The following SMARCC2 variants were observed in gnomAD, a reference collection of about 807,000 sequenced individuals.
SMARCC2 encodes SWI/SNF complex subunit SMARCC2.
In SMARCC2, 15 loss-of-function variants were observed where a neutral mutation model predicts 151.3. The observed-to-expected ratio is 0.10, with a 90% confidence interval of 0.07 to 0.15. The LOEUF (loss-of-function observed/expected upper bound fraction) is 0.15, where lower values mean the gene tolerates loss of function less well. Among genes scored for constraint, SMARCC2 ranks in the 10% least tolerant of loss-of-function variants. The probability of loss-of-function intolerance (pLI) is 1.00; values close to 1 mark genes in which losing one functional copy is unlikely to be tolerated. For missense variants in SMARCC2, 1,031 were observed against 1,599.7 expected (o/e 0.64, Z 6.06); for synonymous variants, 590 against 609.5 (o/e 0.97, Z 0.47).
At chr12:56,170,960 C>T (rs760656337) in intron 22 of SMARCC2, among the ~76,000 whole-genome samples, 10 of 150,974 alleles carry the variant, frequency 6.6e-5, no homozygotes, top group Admixed American at 1.3e-4. Flanking sequence ...CTTGAACTCC[C>T]GACCTCGTGA....
rs987585114 is a variant in SMARCC2 at position 56,186,387 on chromosome 12, G to A, written c.232-147C>T. On this transcript the variant is annotated intron_variant, in intron 2 of 28. Transcript: ENST00000550164. Reference sequence around the variant, plus strand: ...TTTTTTGAGATGGAGTTTCACTCTTGTTGCCCAGGCTGGAGTGCAATGGCG... The same window carrying A: ...TTTTTTGAGATGGAGTTTCACTCTTATTGCCCAGGCTGGAGTGCAATGGCG... The A allele has an allele frequency of 5.2e-6, 3 of 581,870 alleles. No individual in the cohort carries two copies. In the African/African-American group the frequency reaches 7.4e-5, roughly 14 times the overall value. The allele number at this position is 581,870 out of a possible 1,614,324, so 36.0% of individuals were successfully genotyped here.
intron 26 of SMARCC2, among the ~76,000 whole-genome samples, chr12:56,167,150 G>A (rs538211091): frequency 3.3e-5 from 5 of 150,330 alleles, no homozygotes; most frequent in South Asian, 4.2e-4. Context: ...TCGGGAGTTC[G>A]AGACCAGCCT....
In SMARCC2 at chr12:56,171,719, G is replaced by A; in HGVS notation, c.2145C>T (p.Val715=). 6.3e-7 allele frequency: 1 copy of A among 1,583,272 alleles called. No individual in the cohort carries two copies. Among genetic ancestry groups the A allele is most frequent in the Non-Finnish European group, 8.6e-7 (1 of 1,163,514 alleles). The change falls in exon 21 of 29, where the codon GTC becomes GTT. Residue 715 remains valine (V), a synonymous_variant. Coordinates refer to ENST00000550164, the MANE Select transcript of SMARCC2 (RefSeq NM_001330288.2). The surrounding 1 kb of genome is among the most constrained non-coding windows in gnomAD (Gnocchi z 4.2). Reference sequence around the variant, plus strand: ...CAGCAGCAGAGGCGACTCGGGGATCGACGACAGAGGCCAGGAAGGCAACAG... The same window carrying A: ...CAGCAGCAGAGGCGACTCGGGGATCAACGACAGAGGCCAGGAAGGCAACAG... ...MSTVAFLASV[V]DPRVASAAAK... is the part of the protein sequence containing the mutation.
chr12:56,186,959 C>T (rs1456558263), intron 2 of SMARCC2: 4 of 427,484 alleles, frequency 9.4e-6, no homozygotes, highest in Non-Finnish European at 1.7e-5. Context: ...TGGACTGATC[C>T]CAGGTACTCT....
chr12:56,170,724 C>CT (rs36061638), intron 22 of SMARCC2, among the ~76,000 whole-genome samples: 1,766 of 90,840 alleles, frequency 0.019, 61 homozygotes, highest in African/African-American at 0.046. Context: ...CTTCACAAGA[C>CT]TTTTTTTTTT....
At chr12:56,180,923 G>T (rs560714605) in intron 11 of SMARCC2, 54 bp downstream of exon 11, 8 of 1,564,524 alleles carry the variant, frequency 5.1e-6, no homozygotes, top group African/African-American at 2.7e-5. Flanking sequence ...TTTGGCAAAG[G>T]AGAGTCAAGA....
At position 56,162,383 on chromosome 12, in the gene SMARCC2, T is replaced by TAAAAAAAAA; in HGVS notation, c.*1297_*1305dup. The stretch of plus-strand genomic sequence containing the variant: ...ATGGAACTGAAAGCAAATTAATTTA[T>TAAAAAAAAA]AAAAAAAAAAAAAAGAAAGAAAGAA... On this transcript the variant is annotated 3_prime_UTR_variant, in exon 29 of 29. Coordinates refer to ENST00000550164, the MANE Select transcript of SMARCC2 (RefSeq NM_001330288.2). 1 of 459,384 alleles carries TAAAAAAAAA rather than the reference T, an allele frequency of 2.2e-6. No homozygotes were observed. Among genetic ancestry groups the TAAAAAAAAA allele is most frequent in the Non-Finnish European group, 3.8e-6 (1 of 263,778 alleles). The allele number at this position is 459,384 out of a possible 1,614,324, so 28.5% of individuals were successfully genotyped here. A position where few individuals can be genotyped will look rare whatever the true frequency, so the allele number is the denominator to read the frequency against.
rs562782444 is a variant in SMARCC2 at position 56,186,083 on chromosome 12, A to G, written c.317+72T>C. 95 of 1,085,668 alleles carry G rather than the reference A, an allele frequency of 8.8e-5. No individual in the cohort carries two copies. The South Asian group carries it at 1.2e-3, about 14-fold the overall frequency. 67.3% of individuals were successfully genotyped at this position (1,085,668 alleles called of 1,614,324 possible). Reference sequence around the variant, plus strand: ...GACTCACAAGAATTTCTACCCCAGAAAGATCCCAGGGAATCAAAAAGGGGG... The same window carrying G: ...GACTCACAAGAATTTCTACCCCAGAGAGATCCCAGGGAATCAAAAAGGGGG... On this transcript the variant is annotated intron_variant, in intron 3 of 28. Transcript: ENST00000550164.
At chr12:56,178,256 C>A in intron 14 of SMARCC2, 148 bp downstream of exon 14, 1 of 986,258 alleles carries the variant, frequency 1.0e-6, no homozygotes, top group Non-Finnish European at 1.6e-6. Context: ...CAAAAGGACA[C>A]AAGGAGCTCC....
chr12:56,184,475 T>G (rs904595773), intron 5 of SMARCC2: 13 of 567,464 alleles, frequency 2.3e-5, no homozygotes, highest in Non-Finnish European at 4.1e-5. Flanking sequence ...GAACAGATAA[T>G]CTATACATGG....
chr12:56,166,747 G>A (rs902096564), intron 26 of SMARCC2, among the ~76,000 whole-genome samples: 2 of 151,778 alleles, frequency 1.3e-5, no homozygotes, highest in African/African-American at 2.4e-5. Context: ...GCACCACCAC[G>A]CCCGGCTAAT....
At chr12:56,181,980 A>T in intron 8 of SMARCC2, 24 bp downstream of exon 8, 1 of 1,598,228 alleles carries the variant, frequency 6.3e-7, no homozygotes, top group East Asian at 2.2e-5. Context: ...TTTTTGGGGA[A>T]GAGGGGATAC....
chr12:56,186,681 T>C, intron 2 of SMARCC2: 1 of 194,788 alleles, frequency 5.1e-6, no homozygotes, highest in South Asian at 8.5e-5. Context: ...CCTTGTGCCA[T>C]TGCATCATGT....
Position 56,178,352 on chromosome 12 carries a change from C to A in SMARCC2, c.1310+52G>T, listed in dbSNP as rs2135717553. The A allele has an allele frequency of 3.1e-6, 5 of 1,592,438 alleles. No homozygotes were observed. In the East Asian group the frequency reaches 8.9e-5, roughly 28 times the overall value. On this transcript the variant is annotated intron_variant, in intron 14 of 28. Coordinates refer to ENST00000550164, the MANE Select transcript of SMARCC2 (RefSeq NM_001330288.2). ...GGCAGGGAGAAGAACAGCCTGTTGACCCCTGGAGGCAGGGAAATAAGGACT... is the reference window on the plus strand; with the variant it reads ...GGCAGGGAGAAGAACAGCCTGTTGAACCCTGGAGGCAGGGAAATAAGGACT...
intron 13 of SMARCC2, 104 bp from the exon 14 acceptor site, chr12:56,178,638 G>A (rs1875499786): frequency 6.5e-7 from 1 of 1,545,948 alleles, no homozygotes; most frequent in Non-Finnish European, 8.9e-7. Context: ...GATGGGTGAT[G>A]GGACTGAGCA....
Position 56,162,452 on chromosome 12 carries a change from C to CA in SMARCC2, c.*1236_*1237insT, listed in dbSNP as rs1872002048. 1 of 602,292 alleles carries CA rather than the reference C, an allele frequency of 1.7e-6. No homozygotes were observed. The highest frequency in any genetic ancestry group is 3.0e-5 in the Admixed American group (1 of 32,882). 37.3% of individuals were successfully genotyped at this position (602,292 alleles called of 1,614,324 possible). The stretch of plus-strand genomic sequence containing the variant: ...GAAAACTTTGAACAGAAGAAAGGTG[C>CA]TAAGACGCAGAGGGAGAGAAACATG... On this transcript the variant is annotated 3_prime_UTR_variant, in exon 29 of 29. Coordinates refer to ENST00000550164, the MANE Select transcript of SMARCC2 (RefSeq NM_001330288.2).
intron 25 of SMARCC2, among the ~76,000 whole-genome samples, chr12:56,168,895 G>T (rs755218753): frequency 1.6e-4 from 25 of 151,690 alleles, no homozygotes; most frequent in Non-Finnish European, 3.5e-4. Context: ...TGGGAGAATC[G>T]CTTGAACCTG....
At chr12:56,187,809 G>A (rs1232834997) in intron 1 of SMARCC2, among the ~76,000 whole-genome samples, 2 of 152,154 alleles carry the variant, frequency 1.3e-5, no homozygotes, top group Non-Finnish European at 2.9e-5. Context: ...TGTGCATTTT[G>A]CTTCTGAAGA....
chr12:56,170,599 T>C (rs1437612585), intron 22 of SMARCC2, among the ~76,000 whole-genome samples: 1 of 151,854 alleles, frequency 6.6e-6, no homozygotes, highest in Non-Finnish European at 1.5e-5. Flanking sequence ...CTAACTTTTT[T>C]GGTATTTTTT....
Sources: allele counts gnomAD v4.1 joint callset (sites outside exome capture counted in the v4.1 genomes callset), GRCh38; gene constraint gnomAD v4.1.1; non-coding constraint Gnocchi (gnomAD v3.1); transcripts MANE v1.5; gene names NCBI Gene and HGNC (gene_info 2026-07-23, HGNC 2026-07-21).